TAF1: variants seen among roughly 807,000 people sequenced by gnomAD.
TAF1 encodes the protein TATA-box binding protein associated factor 1.
TAF1 carries 2 observed loss-of-function variants against 138.5 expected under a neutral mutation model. That is an observed-to-expected ratio of 0.01 (90% CI 0.01 to 0.05). The LOEUF (loss-of-function observed/expected upper bound fraction) is 0.05, where lower values mean the gene tolerates loss of function less well. Among genes scored for constraint, TAF1 ranks in the 10% least tolerant of loss-of-function variants. The pLI is 1.00. For missense variants in TAF1, 709 were observed against 1,478.0 expected, an observed-to-expected ratio of 0.48 and a Z score of 8.53; for synonymous variants, 437 against 503.2, an observed-to-expected ratio of 0.87 and a Z score of 1.76.
intron 13 of TAF1, among the ~76,000 whole-genome samples, chrX:71,509,351 A>G (rs1312283715): frequency 2.7e-5 from 3 of 111,491 alleles, no homozygotes; most frequent in African/African-American, 9.8e-5. Context: ...TAAAAAGGAA[A>G]GGTCAGAATC....
intron 15 of TAF1, 85 bp from the exon 16 acceptor site, chrX:71,388,152 A>G (rs1156968820): frequency 8.8e-7 from 1 of 1,138,853 alleles, no homozygotes; most frequent in Non-Finnish European, 1.2e-6. Context: ...ATGAAAATAC[A>G]TTAGAGCTTA....
At chrX:71,443,490 G>A (rs1372622069) in intron 32 of TAF1, among the ~76,000 whole-genome samples, 1 of 111,436 alleles carries the variant, frequency 9.0e-6, no homozygotes, top group Non-Finnish European at 1.9e-5. Context: ...AGGAATGCTT[G>A]TGATTTTTGC....
intron 13 of TAF1, among the ~76,000 whole-genome samples, chrX:71,483,803 T>TATATATATATATATATATATAC (rs1290090578): frequency 1.1e-5 from 1 of 92,878 alleles, no homozygotes; most frequent in African/African-American, 4.3e-5. Flanking sequence ...TATATATATA[T>TATATATATATATATATATATAC]ACACACACAT....
At chrX:71,379,802 A>G (rs2033757137) in intron 8 of TAF1, among the ~76,000 whole-genome samples, 1 of 108,753 alleles carries the variant, frequency 9.2e-6, no homozygotes, top group African/African-American at 3.3e-5. Context: ...GGGTTTCTCC[A>G]TGTTGGTCAG....
chrX:71,424,734 CT>C (rs1569333409), intron 32 of TAF1, among the ~76,000 whole-genome samples: 1 of 111,943 alleles, frequency 8.9e-6, no homozygotes, highest in East Asian at 2.8e-4. Context: ...AAGCAATTTT[CT>C]TGCCTCAGCC....
In TAF1 at chrX:71,460,657, T is replaced by G. The variant is rs2038512359; in HGVS notation, c.5253T>G (p.Ser1751=). ...AGCTGAGTGAAAGTGGAAGTGACTC[T>G]GATGTGGGATCTGGTGGAATAAGAC... ...AIQLSESGSD[S]DVGSGGIRPK... is the part of the protein sequence containing the mutation. Residue 1751 remains serine, a synonymous_variant, in exon 37 of 38, where the codon TCT becomes TCG. Coordinates refer to ENST00000423759, the MANE Select transcript of TAF1 (RefSeq NM_004606.5). 1 of 1,211,538 alleles carries G rather than the reference T, an allele frequency of 8.3e-7. No individual in the cohort carries two copies. The highest frequency in any genetic ancestry group is 1.1e-6 in the Non-Finnish European group (1 of 895,391).
Position 71,377,691 on chromosome X carries a change from G to T in TAF1, c.803G>T (p.Arg268Leu). The T allele has an allele frequency of 8.3e-7, 1 of 1,211,741 alleles. No homozygotes were observed. Among genetic ancestry groups the T allele is most frequent in the Non-Finnish European group, 1.1e-6 (1 of 895,569 alleles). ...CGGAGAAAGAGGAAGAAGAAGCACC[G>T]TGAGCTGATACAGGAAGAGCAGATC... Reference protein sequence around the residue: ...SARRKRKKKHRELIQEEQIQE... With the variant: ...SARRKRKKKHLELIQEEQIQE... The change falls in exon 6 of 38, where the codon CGT becomes CTT. Residue 268 changes from arginine to leucine, a missense_variant. Arg to Leu is a moderately radical substitution (Grantham distance 102, BLOSUM62 -2). Transcript: ENST00000423759.
At chrX:71,396,823 A>C (rs746407714) in intron 22 of TAF1, among the ~76,000 whole-genome samples, 59 of 109,854 alleles carry the variant, frequency 5.4e-4, no homozygotes, top group Non-Finnish European at 1.0e-3. Flanking sequence ...TCTTGAGCCC[A>C]GGAGTTAGAG....
rs747823484 is a variant in TAF1, at chrX:71,508,856, G to A, written c.1367-19686G>A. Among the ~76,000 whole-genome samples, 4 of 108,130 alleles carry A rather than the reference G, an allele frequency of 3.7e-5. No individual in the cohort carries two copies. The South Asian group carries it at 1.7e-3, about 45-fold the overall frequency. 93.9% of individuals were successfully genotyped at this position (108,130 alleles called of 115,157 possible). ...GGGTCTCACTCTGTTGCCGAGCCTG[G>A]AGTGCAGTGGCATGATCTTGGCTAA... On this transcript the variant is annotated intron_variant and NMD_transcript_variant, in intron 13 of 14. Coordinates refer to the TAF1 transcript ENST00000373775.
chrX:71,451,487 T>A, intron 32 of TAF1, among the ~76,000 whole-genome samples: 1 of 102,961 alleles, frequency 9.7e-6, no homozygotes, highest in South Asian at 4.2e-4. Context: ...TTTTTTTTCC[T>A]TTTTTTTTTT....
In TAF1 at chrX:71,528,626, T is replaced by C. The variant is rs374807241; in HGVS notation, c.*75T>C. ...GTCCTGCTCTACCCGATTCTCAGCT[T>C]TGGGGATAGAATTCCCAGAAACATC... On this transcript the variant is annotated 3_prime_UTR_variant and NMD_transcript_variant, in exon 14 of 15. Coordinates refer to the TAF1 transcript ENST00000373775. The C allele has an allele frequency of 8.5e-5, 28 of 329,746 alleles. No homozygotes were observed. The East Asian group carries it at 1.9e-3, about 23-fold the overall frequency. 27.2% of individuals were successfully genotyped at this position (329,746 alleles called of 1,213,427 possible). A position where few individuals can be genotyped will look rare whatever the true frequency, so the allele number is the denominator to read the frequency against.
chrX:71,513,598 G>A (rs1262004000), intron 13 of TAF1, among the ~76,000 whole-genome samples: 1 of 111,490 alleles, frequency 9.0e-6, no homozygotes, highest in African/African-American at 3.3e-5. Flanking sequence ...AAGAAAGGTT[G>A]AGGCCAGGCA....
intron 14 of TAF1, among the ~76,000 whole-genome samples, chrX:71,386,036 C>T (rs1180945931): frequency 1.8e-5 from 2 of 110,257 alleles, no homozygotes; most frequent in Non-Finnish European, 3.8e-5. Flanking sequence ...TGGCACATGC[C>T]TGTAATCCCA....
At chrX:71,468,684 C>CA (rs765313817), downstream of TAF1, among the ~76,000 whole-genome samples, 728 of 61,183 alleles carry the variant, frequency 0.012, 6 homozygotes, top group African/African-American at 0.025. Flanking sequence ...GACTCCCTCT[C>CA]AAAAAAAAAA....
chrX:71,382,575 C>T lies in TAF1; in HGVS notation c.1577C>T (p.Pro526Leu). ...AAGGAAGAGGCCACCTCTAACTCCC[C>T]CTCCAAGGAGAGTAAGAAGGAATCA... The part of the protein sequence containing the change: ...DEKEEATSNS[P>L]SKESKKESSL... The change falls in exon 10 of 38, where the codon CCC becomes CTC. Residue 526 changes from proline to leucine, a missense_variant. Pro to Leu is a moderately conservative substitution (Grantham distance 98). This residue lies in a region of TAF1 where 201 missense variants were observed against 421.3 expected (regional missense o/e 0.48). Coordinates refer to ENST00000423759, the MANE Select transcript of TAF1 (RefSeq NM_004606.5). 1 of 1,210,627 alleles carries T rather than the reference C, an allele frequency of 8.3e-7. No homozygotes were observed. The highest frequency in any genetic ancestry group is 1.1e-6 in the Non-Finnish European group (1 of 895,181).
downstream of TAF1, among the ~76,000 whole-genome samples, chrX:71,469,961 A>G (rs1221574583): frequency 2.7e-5 from 3 of 112,193 alleles, no homozygotes; most frequent in East Asian, 8.4e-4. Flanking sequence ...TTGGCCTCCC[A>G]AAATGCTGGG....
chrX:71,453,953 A>G (rs749239733), intron 32 of TAF1, among the ~76,000 whole-genome samples: 24 of 112,202 alleles, frequency 2.1e-4, no homozygotes, highest in Non-Finnish European at 4.3e-4. Flanking sequence ...TGTGTTAATC[A>G]TTGAATCTGG....
At chrX:71,387,156 C>A in intron 14 of TAF1, 105 bp from the exon 15 acceptor site, 1 of 815,142 alleles carries the variant, frequency 1.2e-6, no homozygotes. Flanking sequence ...CCTTAGATGG[C>A]GTAATTAAGA....
chrX:71,492,997 T>C (rs1007853520), intron 13 of TAF1: 5 of 111,264 alleles, frequency 4.5e-5, no homozygotes, highest in African/African-American at 1.6e-4. Flanking sequence ...TGTGCTCCAC[T>C]GCAAGTATTT....
Sources: gnomAD v4.1 joint callset for allele counts (sites outside exome capture counted in the v4.1 genomes callset) on GRCh38, gnomAD v4.1.1 for gene constraint, gnomAD v4.1.1 regional missense constraint, MANE v1.5 for transcripts, NCBI Gene and HGNC (gene_info 2026-07-23, HGNC 2026-07-21) for gene names.